The following EPHB4 variants were observed in gnomAD, a reference collection of about 807,000 sequenced individuals.
EPHB4 encodes the protein ephrin type-B receptor 4.
Under a neutral mutation model 110.6 loss-of-function variants are expected in EPHB4, and 50 were observed. The ratio of observed to expected loss-of-function variants is 0.45; its 90% CI spans 0.36 to 0.57. EPHB4 has a LOEUF of 0.57. Ranked by LOEUF, EPHB4 falls within the 20% of genes least tolerant of loss-of-function variation. EPHB4 has a pLI of 0.00. For synonymous variants in EPHB4, 592 were observed against 578.4 expected (o/e 1.02, Z -0.34); for missense variants, 1,128 against 1,382.1 (o/e 0.82, Z 2.91).
At chr7:100,805,797 C>T in intron 14 of EPHB4, 103 bp from the exon 15 acceptor site, 1 of 1,159,826 alleles carries the variant, frequency 8.6e-7, no homozygotes, top group Non-Finnish European at 1.1e-6. Flanking sequence ...ATAGGAGCCA[C>T]AGCCCCCCAA....
intron 12 of EPHB4, 24 bp downstream of exon 12, chr7:100,812,723 G>A (rs760005378): frequency 8.1e-6 from 13 of 1,601,272 alleles, no homozygotes; most frequent in Middle Eastern, 1.7e-4. Context: ...CCGGGTGGCC[G>A]CAGAAGCCAG....
chr7:100,811,251 C>G (rs1319729582), intron 12 of EPHB4, among the ~76,000 whole-genome samples: 2 of 138,962 alleles, frequency 1.4e-5, no homozygotes, highest in African/African-American at 5.3e-5. Flanking sequence ...AACTCCATCT[C>G]AAGAAAAAAG....
In EPHB4 at chr7:100,803,287, T is replaced by G; in HGVS notation, c.*174A>C. On this transcript the variant is annotated 3_prime_UTR_variant, in exon 17 of 17. Coordinates refer to ENST00000358173, the MANE Select transcript of EPHB4 (RefSeq NM_004444.5). Reference sequence around the variant, plus strand: ...TCCCCGAGGTGGCTGGGGGGTGATTTTCCCCTCCTATTATGGCAGAACCCC... The same window carrying G: ...TCCCCGAGGTGGCTGGGGGGTGATTGTCCCCTCCTATTATGGCAGAACCCC... The G allele has an allele frequency of 1.3e-6, 1 of 777,932 alleles. No homozygotes were observed. Among genetic ancestry groups the G allele is most frequent in the South Asian group, 3.7e-5 (1 of 26,912 alleles). 48.2% of individuals were successfully genotyped at this position (777,932 alleles called of 1,614,324 possible). A position where few individuals can be genotyped will look rare whatever the true frequency, so the allele number is the denominator to read the frequency against.
chr7:100,811,780 G>A (rs947414011), intron 12 of EPHB4, among the ~76,000 whole-genome samples: 6 of 151,718 alleles, frequency 4.0e-5, no homozygotes, highest in Admixed American at 1.3e-4. Context: ...TGAGGCGGGA[G>A]GATCACTTGA....
rs765253579 is a variant in EPHB4 at position 100,824,275 on chromosome 7, T to C, written c.53-2A>G. ...CCAATTTTGTGTTCAGCAGGGTCTC[T>C]GAGACAGACAGAGAGACAGAGTCAG... On this transcript the variant is annotated splice_acceptor_variant, in intron 1 of 16. Transcript: ENST00000358173. LOFTEE classifies it high-confidence loss of function. 1 of 1,611,358 alleles carries C rather than the reference T, an allele frequency of 6.2e-7. No individual in the cohort carries two copies. Among genetic ancestry groups the C allele is most frequent in the Admixed American group, 1.7e-5 (1 of 59,612 alleles).
chr7:100,813,885 G>A (rs751769275), intron 9 of EPHB4, 34 bp downstream of exon 9: 2 of 1,611,926 alleles, frequency 1.2e-6, no homozygotes, highest in Admixed American at 1.7e-5. Context: ...TCAACTGAGG[G>A]CTTCCAGGGG....
At chr7:100,806,682 C>G in intron 13 of EPHB4, 113 bp from the exon 14 acceptor site, 1 of 1,256,418 alleles carries the variant, frequency 8.0e-7, no homozygotes, top group Admixed American at 2.6e-5. Context: ...TAGCTCAGGC[C>G]CCAAGCCTCC....
Position 100,807,238 on chromosome 7 carries a change from AC to A in EPHB4, c.2334+126del, listed in dbSNP as rs1198202820. On this transcript the variant is annotated intron_variant, in intron 13 of 16. Transcript: ENST00000358173. Reference sequence around the variant, plus strand: ...GCTTCCTGGAGCTGACTGTCCCCCCACCCACAGCCTGCTCCTGTATCCTCTC... The same window carrying A: ...GCTTCCTGGAGCTGACTGTCCCCCCACCACAGCCTGCTCCTGTATCCTCTC... The A allele has an allele frequency of 5.4e-6, 5 of 927,314 alleles. No homozygotes were observed. In the African/African-American group the frequency reaches 6.7e-5, roughly 12 times the overall value. The allele number at this position is 927,314 out of a possible 1,614,324, so 57.4% of individuals were successfully genotyped here. A position where few individuals can be genotyped will look rare whatever the true frequency, so the allele number is the denominator to read the frequency against.
intron 12 of EPHB4, 48 bp from the exon 13 acceptor site, chr7:100,807,628 G>A (rs375369008): frequency 2.5e-5 from 39 of 1,562,788 alleles, no homozygotes; most frequent in South Asian, 2.2e-4. Flanking sequence ...CCCACCCACC[G>A]TTCCCCCTCC....
chr7:100,814,181 A>C, intron 8 of EPHB4, 160 bp from the exon 9 acceptor site: 3 of 712,830 alleles, frequency 4.2e-6, no homozygotes, highest in Non-Finnish European at 6.8e-6. Context: ...GGGAACAAAC[A>C]GTGGGTTTCA....
In EPHB4 at chr7:100,822,594, T is replaced by C. The variant is rs17854760; in HGVS notation, c.485A>G (p.Lys162Arg). The change falls in exon 4 of 17, where the codon AAG becomes AGG. Residue 162 changes from lysine (K) to arginine (R), a missense_variant. Physicochemically the swap from Lys to Arg is conservative, Grantham distance 26. Around this residue, in one of 3 missense-constraint regions of EPHB4, gnomAD observed 728 missense variants for 828.6 expected, o/e 0.88. Coordinates refer to ENST00000358173, the MANE Select transcript of EPHB4 (RefSeq NM_004444.5). The surrounding 1 kb of genome is among the most constrained non-coding windows in gnomAD (Gnocchi z 4.7). ...GCTGAGCGGTCCCAGACGCAGCGTC[T>C]TGACATTCACCTTCCCGGTGGCCTC... ...GAEATGKVNV[K>R]TLRLGPLSKA... The C allele has an allele frequency of 1.9e-6, 3 of 1,610,656 alleles. No individual in the cohort carries two copies. Among genetic ancestry groups the C allele is most frequent in the Admixed American group, 1.7e-5 (1 of 59,844 alleles).
chr7:100,812,392 C>G (rs908155342), intron 12 of EPHB4, among the ~76,000 whole-genome samples: 3 of 151,996 alleles, frequency 2.0e-5, no homozygotes, highest in African/African-American at 7.2e-5. Context: ...GAGTTTGATA[C>G]CAGCCTGGCC....
In EPHB4 at chr7:100,817,310, G is replaced by A. The variant is rs752430673; in HGVS notation, c.1470C>T (p.Asn490=). ...SSVRFLKTSE[N]RAELRGLKRG... is the part of the protein sequence containing the mutation. ...GCTTCAGCCCCCGCAGCTCTGCCCGGTTTTCTGACGTCTTCAGGAACCGCA... is the reference window on the plus strand; with the variant it reads ...GCTTCAGCCCCCGCAGCTCTGCCCGATTTTCTGACGTCTTCAGGAACCGCA... The change falls in exon 8 of 17, where the codon AAC becomes AAT. Residue 490 remains asparagine, a synonymous_variant. Transcript: ENST00000358173. 2 of 1,590,472 alleles carry A rather than the reference G, an allele frequency of 1.3e-6. No homozygotes were observed. The highest frequency in any genetic ancestry group is 2.3e-5 in the South Asian group (2 of 87,298).
intron 12 of EPHB4, among the ~76,000 whole-genome samples, chr7:100,810,559 T>C (rs527652966): frequency 2.0e-5 from 3 of 151,884 alleles, no homozygotes; most frequent in East Asian, 2.0e-4. Context: ...CTGGGCAACA[T>C]AGCGAGACCC....
intron 12 of EPHB4, among the ~76,000 whole-genome samples, chr7:100,812,112 C>T (rs554337934): frequency 9.1e-4 from 137 of 150,812 alleles, no homozygotes; most frequent in African/African-American, 3.0e-3. Flanking sequence ...GCGGAGGTTG[C>T]GGTGAGCCAA....
Position 100,822,134 on chromosome 7 carries a change from T to TC in EPHB4, c.808+136dup. 1.5e-6 allele frequency: 2 copies of TC among 1,295,464 alleles called. No homozygotes were observed. The highest frequency in any genetic ancestry group is 5.2e-5 in the East Asian group (2 of 38,400). The allele number at this position is 1,295,464 out of a possible 1,614,324, so 80.2% of individuals were successfully genotyped here. A position where few individuals can be genotyped will look rare whatever the true frequency, so the allele number is the denominator to read the frequency against. On this transcript the variant is annotated intron_variant, in intron 4 of 16. Transcript: ENST00000358173. This position sits in a 1 kb window ranked among gnomAD's most constrained non-coding sequence, Gnocchi z 4.7. Reference sequence around the variant, plus strand: ...TTGAGCAGAGATTGTGCCACTGCACTCCAGCCTGGGTGACAGAGCAAGCCT... The same window carrying TC: ...TTGAGCAGAGATTGTGCCACTGCACTCCCAGCCTGGGTGACAGAGCAAGCCT...
In EPHB4 at chr7:100,813,927, G is replaced by A; in HGVS notation, c.1683C>T (p.Leu561=). 4 of 1,614,140 alleles carry A rather than the reference G, an allele frequency of 2.5e-6. No homozygotes were observed. Among genetic ancestry groups the A allele is most frequent in the South Asian group, 1.1e-5 (1 of 91,084 alleles). The part of the protein sequence containing the change: ...LVLVVIVVAV[L]CLRKQSNGRE... ...GGTGTCAGAGCCCTTACCTGAGGCAGAGAACTGCGACCACAATGACCACCA... is the reference window on the plus strand; with the variant it reads ...GGTGTCAGAGCCCTTACCTGAGGCAAAGAACTGCGACCACAATGACCACCA... Residue 561 remains leucine, a synonymous_variant, in exon 9 of 17, where the codon CTC becomes CTT. Transcript: ENST00000358173.
intron 16 of EPHB4, 109 bp from the exon 17 acceptor site, chr7:100,803,699 G>A (rs1276503125): frequency 7.5e-7 from 1 of 1,329,968 alleles, no homozygotes; most frequent in African/African-American, 1.5e-5. Context: ...AATCAGAAAA[G>A]CCAGCGGGGG....
chr7:100,806,507 G>A lies in EPHB4; in HGVS notation c.2397C>T (p.Ser799=), dbSNP rs201140601. 256 of 1,614,072 alleles carry A rather than the reference G, an allele frequency of 1.6e-4. 1 individual carries two copies. The highest frequency in any genetic ancestry group is 1.2e-3 in the Middle Eastern group (7 of 6,062). Reference sequence around the variant, plus strand: ...TCCCGTAACTCCAGGCATCACTGGCGGAAGTGAACTTCCGGAAGGCAATGG... The same window carrying A: ...TCCCGTAACTCCAGGCATCACTGGCAGAAGTGAACTTCCGGAAGGCAATGG... ...PEAIAFRKFT[S]ASDAWSYGIV... The change falls in exon 14 of 17, where the codon TCC becomes TCT. Residue 799 remains serine (S), a synonymous_variant. Transcript: ENST00000358173.
Sources: gnomAD v4.1 joint callset for allele counts (sites outside exome capture counted in the v4.1 genomes callset) on GRCh38, gnomAD v4.1.1 for gene constraint, gnomAD v4.1.1 regional missense constraint, Gnocchi (gnomAD v3.1) non-coding constraint, MANE v1.5 for transcripts, NCBI Gene and HGNC (gene_info 2026-07-23, HGNC 2026-07-21) for gene names.